ADCY5: variants seen among roughly 807,000 people sequenced by gnomAD.
ADCY5 encodes adenylate cyclase type 5.
ADCY5 carries 30 observed loss-of-function variants against 119.7 expected under a neutral mutation model. The observed-to-expected ratio is 0.25, with a 90% CI of 0.19 to 0.34. ADCY5 has a LOEUF of 0.34. ADCY5 is among the 10% of genes least tolerant of loss of function. ADCY5 has a pLI of 1.00. For missense variants in ADCY5, 1,324 were observed against 1,775.2 expected (o/e 0.75, Z 4.57); for synonymous variants, 753 against 762.2 (o/e 0.99, Z 0.20).
chr3:123,288,224 C>T (rs1938910728), intron 19 of ADCY5, among the ~76,000 whole-genome samples: 1 of 152,202 alleles, frequency 6.6e-6, no homozygotes, highest in South Asian at 2.1e-4. Context: ...CAAAATGTCT[C>T]CCAAGGACAG....
At chr3:123,330,753 T>C (rs1941722228) in intron 5 of ADCY5, 136 bp downstream of exon 5, 1 of 1,209,436 alleles carries the variant, frequency 8.3e-7, no homozygotes, top group South Asian at 1.7e-5. Context: ...ACCCTCAGCT[T>C]GGCTGGGCAC....
At position 123,328,814 on chromosome 3, in the gene ADCY5, G is replaced by A. The variant is rs778789466; in HGVS notation, c.1647-12C>T. 5.6e-6 allele frequency: 9 copies of A among 1,613,558 alleles called. No homozygotes were observed. The African/African-American group carries it at 6.7e-5, about 12-fold the overall frequency. ...CCTCCCGGACCAACCTGGGGATGGA[G>A]CAGGAGTAAAGCTGGGAGAAGGCTG... On this transcript the variant is annotated splice_polypyrimidine_tract_variant and intron_variant, in intron 5 of 20. Transcript: ENST00000462833.
chr3:123,383,665 C>T (rs371558902), intron 1 of ADCY5, among the ~76,000 whole-genome samples: 3 of 151,894 alleles, frequency 2.0e-5, no homozygotes, highest in African/African-American at 4.8e-5. Flanking sequence ...GCAACAGCGA[C>T]GGCTCCCTGT....
chr3:123,336,903 T>C (rs894313715), intron 3 of ADCY5, among the ~76,000 whole-genome samples: 1 of 152,200 alleles, frequency 6.6e-6, no homozygotes, highest in Non-Finnish European at 1.5e-5. Context: ...GGGGAGCTCT[T>C]ACCTGGAGAG....
chr3:123,413,079 C>G (rs776173463), intron 1 of ADCY5, among the ~76,000 whole-genome samples: 1 of 152,206 alleles, frequency 6.6e-6, no homozygotes, highest in South Asian at 2.1e-4. Flanking sequence ...CCGGCTCCTC[C>G]GGGACGGGAC....
intron 12 of ADCY5, among the ~76,000 whole-genome samples, chr3:123,313,060 T>C (rs1267132120): frequency 1.4e-5 from 2 of 139,980 alleles, no homozygotes; most frequent in Non-Finnish European, 2.9e-5. Flanking sequence ...GATGCTACAA[T>C]ACTAGCAACG....
intron 1 of ADCY5, among the ~76,000 whole-genome samples, chr3:123,412,170 A>G (rs1195621732): frequency 6.6e-6 from 1 of 152,206 alleles, no homozygotes; most frequent in Non-Finnish European, 1.5e-5. Flanking sequence ...CTTCCTGACC[A>G]CAAGGGGCAC....
chr3:123,400,466 C>T (rs1474533441), intron 1 of ADCY5, among the ~76,000 whole-genome samples: 1 of 152,176 alleles, frequency 6.6e-6, no homozygotes, highest in Non-Finnish European at 1.5e-5. Flanking sequence ...GCCTTATGTG[C>T]AAAGACCTTC....
intron 11 of ADCY5, among the ~76,000 whole-genome samples, chr3:123,314,877 G>T (rs570495392): frequency 2.0e-5 from 3 of 149,862 alleles, no homozygotes; most frequent in Non-Finnish European, 2.9e-5. Flanking sequence ...ATCTCTAAGC[G>T]CCACCCCCTT....
intron 1 of ADCY5, among the ~76,000 whole-genome samples, chr3:123,426,299 G>GT (rs750760543): frequency 0.31 from 29,714 of 96,520 alleles, 3,079 homozygotes; most frequent in East Asian, 0.41. Flanking sequence ...TTTCTTTTGT[G>GT]TTTTTTTTTT....
At chr3:123,345,309 G>A (rs995230874) in intron 3 of ADCY5, among the ~76,000 whole-genome samples, 3 of 152,266 alleles carry the variant, frequency 2.0e-5, no homozygotes, top group South Asian at 2.1e-4. Flanking sequence ...CCGGTGAGCC[G>A]GCTGTGTTGG....
At chr3:123,346,128 C>T (rs55848018) in intron 3 of ADCY5, among the ~76,000 whole-genome samples, 22 of 152,228 alleles carry the variant, frequency 1.4e-4, no homozygotes, top group African/African-American at 5.1e-4. Context: ...GCAAGCTCTG[C>T]GTAGGTGTGA....
At position 123,448,773 on chromosome 3, in the gene ADCY5, G is replaced by T. The variant is rs1440867865; in HGVS notation, c.-228C>A. The T allele has an allele frequency of 1.5e-5, 6 of 400,498 alleles. No homozygotes were observed. Among genetic ancestry groups the T allele is most frequent in the Non-Finnish European group, 2.2e-5 (5 of 230,490 alleles). The allele number at this position is 400,498 out of a possible 1,614,324, so 24.8% of individuals were successfully genotyped here. ...TGAGGATCCGCGTCAGAAGTCCCAG[G>T]TCCGAAATGGAGTTGCCTCCGAGGT... On this transcript the variant is annotated 5_prime_UTR_variant, in exon 1 of 21. Coordinates refer to ENST00000462833, the MANE Select transcript of ADCY5 (RefSeq NM_183357.3).
chr3:123,426,590 C>G (rs1945419202), intron 1 of ADCY5, among the ~76,000 whole-genome samples: 2 of 152,260 alleles, frequency 1.3e-5, no homozygotes, highest in East Asian at 3.9e-4. Context: ...CTCAGCCTCC[C>G]AAAGTGCTGG....
intron 1 of ADCY5, among the ~76,000 whole-genome samples, chr3:123,401,449 C>A (rs895686774): frequency 6.6e-6 from 1 of 152,142 alleles, no homozygotes. Flanking sequence ...TGTGGCTATT[C>A]GCACTTAGGA....
chr3:123,329,365 G>T (rs1428034309), intron 5 of ADCY5, among the ~76,000 whole-genome samples: 1 of 152,150 alleles, frequency 6.6e-6, no homozygotes, highest in Non-Finnish European at 1.5e-5. Flanking sequence ...GGGGCTTAGG[G>T]TGCTCCATGC....
At chr3:123,355,505 A>G (rs1477087008) in intron 1 of ADCY5, among the ~76,000 whole-genome samples, 1 of 152,180 alleles carries the variant, frequency 6.6e-6, no homozygotes, top group African/African-American at 2.4e-5. Context: ...GACATTTTAT[A>G]TAAGGGACTT....
At chr3:123,332,704 T>C (rs1221331874) in intron 3 of ADCY5, 29 bp from the exon 4 acceptor site, 1 of 1,414,468 alleles carries the variant, frequency 7.1e-7, no homozygotes, top group Admixed American at 1.7e-5. Context: ...AGGAAGACCC[T>C]GCTATAGGCT....
At chr3:123,390,028 A>G (rs1013994093) in intron 1 of ADCY5, among the ~76,000 whole-genome samples, 8 of 152,164 alleles carry the variant, frequency 5.3e-5, no homozygotes, top group African/African-American at 1.7e-4. Flanking sequence ...GGCTGGGTGC[A>G]CCAGGACAGA....
Sources: gnomAD v4.1 joint callset for allele counts (sites outside exome capture counted in the v4.1 genomes callset) on GRCh38, gnomAD v4.1.1 for gene constraint, MANE v1.5 for transcripts, NCBI Gene and HGNC (gene_info 2026-07-23, HGNC 2026-07-21) for gene names.